PCNX1: variants seen among roughly 807,000 people sequenced by gnomAD.
PCNX1 encodes the protein pecanex 1.
Under a neutral mutation model 242.2 loss-of-function variants are expected in PCNX1, and 78 were observed. The ratio of observed to expected loss-of-function variants is 0.32; its 90% CI spans 0.27 to 0.39. The LOEUF (loss-of-function observed/expected upper bound fraction) is 0.39. PCNX1 is among the 10% of genes least tolerant of loss of function. The pLI is 1.00. For missense variants in PCNX1, 2,581 were observed against 2,856.5 expected (o/e 0.90, Z 2.20); for synonymous variants, 1,024 against 1,032.9 (o/e 0.99, Z 0.17).
intron 6 of PCNX1, among the ~76,000 whole-genome samples, chr14:70,985,646 G>A (rs1427683290): frequency 6.6e-6 from 1 of 152,024 alleles, no homozygotes; most frequent in South Asian, 2.1e-4. Context: ...ATATACCCTT[G>A]GAAGTATTTT....
chr14:70,983,966 A>G lies in PCNX1; in HGVS notation c.2312-4601A>G, dbSNP rs920239682. The stretch of plus-strand genomic sequence containing the variant: ...CCTTTTAGAATGTTTTTGCAAAATT[A>G]CTTGAATGTTTATGTCTTTATATAG... On this transcript the variant is annotated intron_variant, in intron 6 of 35. Coordinates refer to ENST00000304743, the MANE Select transcript of PCNX1 (RefSeq NM_014982.3). 4.0e-5 allele frequency among the ~76,000 whole-genome samples: 6 copies of G among 151,338 alleles called. 1 individual carries two copies. Among genetic ancestry groups the G allele is most frequent in the African/African-American group, 9.7e-5 (4 of 41,360 alleles).
chr14:70,933,858 A>G (rs1318831632), intron 1 of PCNX1, among the ~76,000 whole-genome samples: 2 of 152,232 alleles, frequency 1.3e-5, no homozygotes, highest in Non-Finnish European at 2.9e-5. Flanking sequence ...ATTGATAATC[A>G]CTTTGTAACA....
chr14:71,045,571 A>G (rs1408674423), intron 20 of PCNX1, among the ~76,000 whole-genome samples: 1 of 152,084 alleles, frequency 6.6e-6, no homozygotes, highest in Non-Finnish European at 1.5e-5. Flanking sequence ...TTGTGTGTCC[A>G]TTACTTCTCT....
At chr14:70,996,604 T>C (rs1416889980) in intron 8 of PCNX1, among the ~76,000 whole-genome samples, 1 of 152,184 alleles carries the variant, frequency 6.6e-6, no homozygotes, top group East Asian at 1.9e-4. Context: ...AGGGTGATAC[T>C]TTATGTTACT....
chr14:70,957,490 G>A (rs1307203598), intron 2 of PCNX1, among the ~76,000 whole-genome samples: 2 of 152,120 alleles, frequency 1.3e-5, no homozygotes, highest in Non-Finnish European at 2.9e-5. Context: ...GATGAACCTT[G>A]AAAACATTAT....
intron 7 of PCNX1, among the ~76,000 whole-genome samples, chr14:70,994,397 A>ATATATG (rs1491564786): frequency 1.7e-4 from 2 of 11,932 alleles, no homozygotes; most frequent in African/African-American, 6.0e-4. Context: ...CAGGCTTAAG[A>ATATATG]TATATATATA....
chr14:71,045,737 C>G (rs2060842557), intron 20 of PCNX1, among the ~76,000 whole-genome samples: 1 of 151,920 alleles, frequency 6.6e-6, no homozygotes. Flanking sequence ...CTGTGTCCTA[C>G]CAGAGAAAAG....
intron 1 of PCNX1, among the ~76,000 whole-genome samples, chr14:70,912,107 C>T (rs913117619): frequency 4.0e-5 from 6 of 151,852 alleles, no homozygotes; most frequent in Non-Finnish European, 7.4e-5. Flanking sequence ...TGGTGGCGGG[C>T]GCCTGTAGTC....
intron 30 of PCNX1, among the ~76,000 whole-genome samples, chr14:71,098,553 T>TGAGAGAGAGA (rs1555379088): frequency 0.039 from 4,870 of 125,330 alleles, 196 homozygotes; most frequent in East Asian, 0.18. Flanking sequence ...TGTGTGTGTG[T>TGAGAGAGAGA]GAGAGAGAGA....
intron 2 of PCNX1, among the ~76,000 whole-genome samples, chr14:70,949,118 G>T (rs2057619771): frequency 7.4e-6 from 1 of 135,694 alleles, no homozygotes. Context: ...ATACGTATAT[G>T]TGTATATATG....
intron 2 of PCNX1, among the ~76,000 whole-genome samples, chr14:70,961,541 GGCTTCTCC>G (rs2058214226): frequency 6.6e-6 from 1 of 152,052 alleles, no homozygotes; most frequent in African/African-American, 2.4e-5. Context: ...ACTGTGTTTG[GGCTTCTCC>G]AGTGCTTTGA....
intron 2 of PCNX1, among the ~76,000 whole-genome samples, chr14:70,958,740 C>T (rs2058083308): frequency 6.6e-6 from 1 of 151,952 alleles, no homozygotes; most frequent in African/African-American, 2.4e-5. Flanking sequence ...GGGTTGGGTC[C>T]TGTGCTTATT....
intron 30 of PCNX1, chr14:71,093,962 A>G (rs1014538022): frequency 1.3e-5 from 2 of 152,186 alleles, no homozygotes; most frequent in African/African-American, 4.8e-5. Flanking sequence ...TTAATTGACT[A>G]TGTTATTAGT....
Position 70,981,235 on chromosome 14 carries a change from C to G in PCNX1, c.2311+2587C>G, listed in dbSNP as rs374937602. Among the ~76,000 whole-genome samples, 538 of 152,200 alleles carry G rather than the reference C, an allele frequency of 3.5e-3. 1 individual carries two copies. The highest frequency in any genetic ancestry group is 0.013 in the African/African-American group (522 of 41,546). ...GCTTACTAGTGCTGCTGTGACTGTT[C>G]AAGGCCAGTTAGTTATGCTGCACAG... is the stretch of plus-strand genomic sequence containing the variant. On this transcript the variant is annotated intron_variant, in intron 6 of 35. Coordinates refer to ENST00000304743, the MANE Select transcript of PCNX1 (RefSeq NM_014982.3).
rs35068772 is a variant in PCNX1, at chr14:70,994,396, G to GATATATATATATATATATAT, written c.2445-1330_2445-1311dup. On this transcript the variant is annotated intron_variant, in intron 7 of 35. Transcript: ENST00000304743. The stretch of plus-strand genomic sequence containing the variant: ...TCTATTATCATAACCACAGGCTTAA[G>GATATATATATATATATATAT]ATATATATATATATATATATATATA... Among the ~76,000 whole-genome samples, 462 of 96,754 alleles carry GATATATATATATATATATAT rather than the reference G, an allele frequency of 4.8e-3. 10 individuals carry two copies. The highest frequency in any genetic ancestry group is 7.1e-3 in the South Asian group (17 of 2,408). 63.5% of individuals were successfully genotyped at this position (96,754 alleles called of 152,430 possible).
At chr14:71,040,549 G>T (rs2060673986) in intron 19 of PCNX1, among the ~76,000 whole-genome samples, 1 of 151,854 alleles carries the variant, frequency 6.6e-6, no homozygotes, top group Non-Finnish European at 1.5e-5. Context: ...TTCATAATGG[G>T]TGTATATTTT....
At chr14:71,017,917 G>T (rs2060001649) in intron 11 of PCNX1, among the ~76,000 whole-genome samples, 1 of 152,144 alleles carries the variant, frequency 6.6e-6, no homozygotes, top group Non-Finnish European at 1.5e-5. Flanking sequence ...AGTTGATTGT[G>T]ATAAATATGG....
rs533277019 is a variant in PCNX1 at position 70,978,339 on chromosome 14, G to A, written c.2002G>A (p.Gly668Arg). 1.2e-6 allele frequency: 2 copies of A among 1,614,210 alleles called. No individual in the cohort carries two copies. Among genetic ancestry groups the A allele is most frequent in the African/African-American group, 2.7e-5 (2 of 75,064 alleles). The change falls in exon 6 of 36, where the codon GGA becomes AGA. Residue 668 changes from glycine (G) to arginine (R), a missense_variant. Transcript: ENST00000304743. ...HTHKAHLVPE[G>R]TSKKRATRRT... The stretch of plus-strand genomic sequence containing the variant: ...ACACAAAGCTCATTTGGTTCCTGAA[G>A]GAACCAGCAAAAAGCGTGCAACACG...
In PCNX1 at chr14:70,933,255, G is replaced by C. The variant is rs575607699; in HGVS notation, c.154-13660G>C. 3.3e-5 allele frequency among the ~76,000 whole-genome samples: 5 copies of C among 152,314 alleles called. No individual in the cohort carries two copies. The East Asian group carries it at 5.8e-4, about 18-fold the overall frequency. On this transcript the variant is annotated intron_variant, in intron 1 of 35. Coordinates refer to ENST00000304743, the MANE Select transcript of PCNX1 (RefSeq NM_014982.3). ...TTGGAAGAAACTGGTGGTGTTGGCG[G>C]TGATAGATTTGTAGTTGGCATGTAT...
Sources: allele counts gnomAD v4.1 joint callset (sites outside exome capture counted in the v4.1 genomes callset), GRCh38; gene constraint gnomAD v4.1.1; transcripts MANE v1.5; gene names NCBI Gene and HGNC (gene_info 2026-07-23, HGNC 2026-07-21).